Variants in BBS9 observed in about 807,000 individuals in gnomAD.
BBS9 encodes the protein Bardet-Biedl syndrome 9.
A neutral mutation model predicts 117.7 loss-of-function variants in BBS9; 89 were observed. The observed-to-expected ratio is 0.76, with a 90% CI of 0.64 to 0.90. BBS9 has a LOEUF of 0.90. Among genes scored for constraint, BBS9 ranks in the 40% least tolerant of loss-of-function variants. BBS9 has a pLI of 0.00. For missense variants in BBS9, 982 were observed against 1,042.2 expected (o/e 0.94, Z 0.80); for synonymous variants, 379 against 370.9 (o/e 1.02, Z -0.25).
At chr7:33,330,595 A>G (rs1813825105) in intron 9 of BBS9, among the ~76,000 whole-genome samples, 2 of 152,302 alleles carry the variant, frequency 1.3e-5, no homozygotes, top group South Asian at 4.1e-4. Flanking sequence ...TTTTAAATTG[A>G]ACTTTAAAAA....
chr7:33,369,641 A>G (rs1822482816), intron 17 of BBS9, among the ~76,000 whole-genome samples: 2 of 152,224 alleles, frequency 1.3e-5, no homozygotes, highest in Non-Finnish European at 2.9e-5. Flanking sequence ...AGTGACACAC[A>G]GAATCCTACC....
chr7:33,451,632 G>T (rs1563195421), intron 19 of BBS9, among the ~76,000 whole-genome samples: 1 of 152,106 alleles, frequency 6.6e-6, no homozygotes, highest in Non-Finnish European at 1.5e-5. Flanking sequence ...TAAGTGTGAA[G>T]TCTCCAGCTT....
rs1179309052 is a variant in BBS9 at position 33,257,408 on chromosome 7, T to C, written c.615T>C (p.Tyr205=). Residue 205 remains tyrosine, a splice_region_variant and synonymous_variant, in exon 6 of 23, where the codon TAT becomes TAC. Coordinates refer to ENST00000242067, the MANE Select transcript of BBS9 (RefSeq NM_198428.3). The stretch of plus-strand genomic sequence containing the variant: ...CTTCCTGCCAACAAGTGGAAAGTTA[T>C]AAGTAAGTTTGGATGTTAAGTCTTC... ...TVSSCQQVES[Y]KYQVLAFATD... 2 of 1,613,664 alleles carry C rather than the reference T, an allele frequency of 1.2e-6. No individual in the cohort carries two copies. Among genetic ancestry groups the C allele is most frequent in the Middle Eastern group, 1.7e-4 (1 of 6,060 alleles).
intron 19 of BBS9, among the ~76,000 whole-genome samples, chr7:33,501,185 G>A (rs1348420143): frequency 6.6e-6 from 1 of 152,160 alleles, no homozygotes; most frequent in East Asian, 1.9e-4. Context: ...AGATCTTCTA[G>A]GCCTTGGTCT....
At chr7:33,151,850 CTTTTTTT>C (rs11346140) in intron 2 of BBS9, among the ~76,000 whole-genome samples, 8 of 82,352 alleles carry the variant, frequency 9.7e-5, no homozygotes, top group Non-Finnish European at 1.6e-4. Context: ...TGCACCCAGC[CTTTTTTT>C]TTTTTTTTTT....
chr7:33,603,685 G>A (rs1334884083), intron 21 of BBS9, among the ~76,000 whole-genome samples: 5 of 152,064 alleles, frequency 3.3e-5, no homozygotes, highest in Non-Finnish European at 7.4e-5. Context: ...TCTGGGTAAG[G>A]CCCTTGTCAT....
chr7:33,365,982 C>T (rs1246891104), intron 16 of BBS9, among the ~76,000 whole-genome samples: 1 of 152,172 alleles, frequency 6.6e-6, no homozygotes, highest in Non-Finnish European at 1.5e-5. Context: ...GTATCTGAGA[C>T]ATGGATGGGC....
chr7:33,252,307 G>T (rs1372916432), intron 5 of BBS9, among the ~76,000 whole-genome samples: 1 of 152,128 alleles, frequency 6.6e-6, no homozygotes, highest in Non-Finnish European at 1.5e-5. Context: ...CATGAGATTT[G>T]GACAGGGACA....
chr7:33,431,080 A>G (rs1007264469), intron 19 of BBS9, among the ~76,000 whole-genome samples: 3 of 151,720 alleles, frequency 2.0e-5, no homozygotes, highest in Non-Finnish European at 4.4e-5. Flanking sequence ...CTGTAATACC[A>G]GCTACTTGGG....
intron 21 of BBS9, among the ~76,000 whole-genome samples, chr7:33,561,924 A>G: frequency 6.6e-6 from 1 of 152,224 alleles, no homozygotes; most frequent in Admixed American, 6.5e-5. Flanking sequence ...GATATTACAT[A>G]GACATGTTAC....
intron 9 of BBS9, among the ~76,000 whole-genome samples, chr7:33,309,957 G>A (rs1808866695): frequency 6.6e-6 from 1 of 152,170 alleles, no homozygotes; most frequent in African/African-American, 2.4e-5. Context: ...ACTAGAGAAG[G>A]TAGAGAAGCA....
intron 19 of BBS9, among the ~76,000 whole-genome samples, chr7:33,473,948 C>T (rs778205614): frequency 2.6e-5 from 4 of 152,258 alleles, no homozygotes; most frequent in African/African-American, 7.2e-5. Flanking sequence ...TTGTATACTA[C>T]GTAAATATAT....
chr7:33,144,450 A>T (rs896369151), intron 1 of BBS9, among the ~76,000 whole-genome samples: 1 of 152,236 alleles, frequency 6.6e-6, no homozygotes, highest in African/African-American at 2.4e-5. Flanking sequence ...GTCATTTGTG[A>T]TCAAGTGCAA....
At chr7:33,196,592 T>C (rs1490481852) in intron 5 of BBS9, among the ~76,000 whole-genome samples, 1 of 152,150 alleles carries the variant, frequency 6.6e-6, no homozygotes, top group African/African-American at 2.4e-5. Flanking sequence ...TTCTCATACA[T>C]GTGGTTGAAA....
intron 7 of BBS9, among the ~76,000 whole-genome samples, chr7:33,264,915 G>A (rs1246809873): frequency 6.6e-6 from 1 of 152,084 alleles, no homozygotes; most frequent in African/African-American, 2.4e-5. Context: ...GCATGCGACC[G>A]AATATATAAG....
intron 21 of BBS9, among the ~76,000 whole-genome samples, chr7:33,602,057 A>G (rs968363834): frequency 6.6e-6 from 1 of 152,174 alleles, no homozygotes; most frequent in African/African-American, 2.4e-5. Flanking sequence ...GATTAAAGTG[A>G]TGGCTGTTTG....
rs190558017 is a variant in BBS9, at chr7:33,290,265, G to C, written c.1016+16309G>C. Among the ~76,000 whole-genome samples the C allele has an allele frequency of 7.9e-5, 12 of 152,228 alleles. No individual in the cohort carries two copies. In the East Asian group the frequency reaches 2.1e-3, roughly 27 times the overall value. ...CCACTTTCCAAAACCTTAGCAACGT[G>C]CATGCCATGTGAATGCAGCATGGGG... is the stretch of plus-strand genomic sequence containing the variant. On this transcript the variant is annotated intron_variant, in intron 9 of 22. Transcript: ENST00000242067.
intron 21 of BBS9, among the ~76,000 whole-genome samples, chr7:33,543,023 T>A (rs1268516957): frequency 2.0e-5 from 3 of 152,156 alleles, no homozygotes; most frequent in Non-Finnish European, 4.4e-5. Flanking sequence ...TTTAGTTTTT[T>A]AAGGAATCTC....
intron 5 of BBS9, among the ~76,000 whole-genome samples, chr7:33,225,578 T>C (rs1196693853): frequency 2.0e-5 from 3 of 152,320 alleles, no homozygotes; most frequent in East Asian, 1.9e-4. Flanking sequence ...ATCAACCCTT[T>C]TGACATAGCT....
Sources: gnomAD v4.1 joint callset for allele counts (sites outside exome capture counted in the v4.1 genomes callset) on GRCh38, gnomAD v4.1.1 for gene constraint, MANE v1.5 for transcripts, NCBI Gene and HGNC (gene_info 2026-07-23, HGNC 2026-07-21) for gene names.